The following POU2F3 variants were observed in gnomAD, a reference collection of about 807,000 sequenced individuals.
POU2F3 encodes the protein POU class 2 homeobox 3, also known as POU domain, class 2, transcription factor 3.
Under a neutral mutation model 59.2 loss-of-function variants are expected in POU2F3, and 23 were observed. That is an observed-to-expected ratio of 0.39 (90% confidence interval 0.28 to 0.55). The LOEUF (loss-of-function observed/expected upper bound fraction) is 0.55, where lower values mean the gene tolerates loss of function less well. Ranked by LOEUF, POU2F3 falls within the 20% of genes least tolerant of loss-of-function variation. The probability of loss-of-function intolerance (pLI) is 0.66; values close to 1 mark genes in which losing one functional copy is unlikely to be tolerated. For synonymous variants in POU2F3, 190 were observed against 214.6 expected, an observed-to-expected ratio of 0.89 and a Z score of 1.00; for missense variants, 473 against 544.5, an observed-to-expected ratio of 0.87 and a Z score of 1.31.
intron 3 of POU2F3, among the ~76,000 whole-genome samples, chr11:120,286,035 A>G (rs1360810483): frequency 6.6e-6 from 1 of 151,092 alleles, no homozygotes; most frequent in Non-Finnish European, 1.5e-5. Flanking sequence ...GGCGCCCACC[A>G]CCATGCCCAG....
chr11:120,238,047 C>T (rs922979342), upstream of POU2F3, among the ~76,000 whole-genome samples: 2 of 152,076 alleles, frequency 1.3e-5, no homozygotes, highest in Admixed American at 6.5e-5. Flanking sequence ...TTGAGACCAG[C>T]CTGACCAACA....
At chr11:120,246,815 C>A (rs1295057755) in intron 2 of POU2F3, among the ~76,000 whole-genome samples, 2 of 152,248 alleles carry the variant, frequency 1.3e-5, no homozygotes, top group African/African-American at 4.8e-5. Context: ...ACTGCTGTGA[C>A]TGGCAGAGGC....
chr11:120,236,781 G>T (rs114464433), upstream of POU2F3: 418 of 1,363,392 alleles, frequency 3.1e-4, no homozygotes, highest in African/African-American at 5.6e-3. Context: ...GAGAGAGAAG[G>T]AATAAAGATT....
At chr11:120,236,758 A>G (rs1338415090), upstream of POU2F3, 3 of 1,410,044 alleles carry the variant, frequency 2.1e-6, no homozygotes, top group Admixed American at 3.9e-5. Flanking sequence ...TGAAATGATC[A>G]GTGAGCAAGT....
chr11:120,236,814 T>C (rs534090161), upstream of POU2F3: 319 of 1,152,532 alleles, frequency 2.8e-4, 3 homozygotes, highest in South Asian at 2.9e-3. Context: ...CCCTCAACCC[T>C]ATACACAGGT....
intron 1 of POU2F3, among the ~76,000 whole-genome samples, chr11:120,243,186 G>T (rs1288279502): frequency 6.6e-6 from 1 of 152,136 alleles, no homozygotes; most frequent in Admixed American, 6.5e-5. Context: ...GGGGCCGGTG[G>T]GTCCTTTGAA....
intron 6 of POU2F3, chr11:120,304,185 G>A (rs890565361): frequency 2.6e-5 from 4 of 152,080 alleles, no homozygotes; most frequent in African/African-American, 4.8e-5. Flanking sequence ...ACAAAAGTTA[G>A]CCAGGTGTGG....
intron 3 of POU2F3, among the ~76,000 whole-genome samples, chr11:120,289,684 C>T (rs1940952928): frequency 6.6e-6 from 1 of 152,204 alleles, no homozygotes; most frequent in Admixed American, 6.5e-5. Context: ...CTTCCACTTC[C>T]GCTTCCTGGG....
Position 120,309,530 on chromosome 11 carries a change from C to T in POU2F3, c.1012C>T (p.Arg338Ter), listed in dbSNP as rs202225394. The T allele has an allele frequency of 1.9e-6, 3 of 1,614,088 alleles. No individual in the cohort carries two copies. Among genetic ancestry groups the T allele is most frequent in the East Asian group, 2.2e-5 (1 of 44,870 alleles). ...CTGCAACCGACGCCAAAAGGAGAAGCGAATCAACTGCCCTGTGGCCACACC... is the reference window on the plus strand; with the variant it reads ...CTGCAACCGACGCCAAAAGGAGAAGTGAATCAACTGCCCTGTGGCCACACC... Reference protein sequence around the residue: ...WFCNRRQKEKRINCPVATPIK... With the variant: ...WFCNRRQKEK The change falls in exon 10 of 13, where the codon CGA becomes TGA. Residue 338 changes from arginine to a stop codon, truncating the protein, a stop_gained. Coordinates refer to ENST00000543440, the MANE Select transcript of POU2F3 (RefSeq NM_014352.4). LOFTEE classifies it high-confidence loss of function.
intron 3 of POU2F3, among the ~76,000 whole-genome samples, chr11:120,289,033 AT>A (rs1940928952): frequency 6.6e-6 from 1 of 152,166 alleles, no homozygotes; most frequent in African/African-American, 2.4e-5. Flanking sequence ...TTTCATCTTA[AT>A]CTTCTCTAAT....
At chr11:120,275,826 G>A (rs1347321821) in intron 3 of POU2F3, among the ~76,000 whole-genome samples, 1 of 152,210 alleles carries the variant, frequency 6.6e-6, no homozygotes, top group Admixed American at 6.5e-5. Flanking sequence ...GTCCTGAGGA[G>A]TTGCCCTGGT....
At chr11:120,281,910 A>G (rs1415026577) in intron 3 of POU2F3, among the ~76,000 whole-genome samples, 2 of 101,484 alleles carry the variant, frequency 2.0e-5, no homozygotes, top group East Asian at 0.042. Context: ...GGAGGATTCA[A>G]TGAATCTTGA....
chr11:120,310,662 G>T (rs745499964), intron 10 of POU2F3, among the ~76,000 whole-genome samples: 8 of 152,172 alleles, frequency 5.3e-5, no homozygotes, highest in Non-Finnish European at 1.0e-4. Flanking sequence ...TGGGGAGAAT[G>T]ATGTTGCCCT....
At chr11:120,243,356 G>A (rs1476821110) in intron 1 of POU2F3, among the ~76,000 whole-genome samples, 3 of 152,140 alleles carry the variant, frequency 2.0e-5, no homozygotes, top group African/African-American at 4.8e-5. Context: ...CCCTCAGCCT[G>A]CAGCCTGTGG....
chr11:120,282,584 A>G lies in POU2F3; in HGVS notation c.132+13340A>G, dbSNP rs142378185. On this transcript the variant is annotated intron_variant, in intron 3 of 12. Transcript: ENST00000543440. ...GGCACAAGAATCACTTGAACCTGAG[A>G]GGCAGAGCTTGCAGTGAGTCAAGAT... Among the ~76,000 whole-genome samples the G allele has an allele frequency of 7.2e-3, 1,095 of 152,310 alleles. 13 individuals carry two copies. Among genetic ancestry groups the G allele is most frequent in the African/African-American group, 0.025 (1,020 of 41,558 alleles).
Position 120,283,751 on chromosome 11 carries a change from C to T in POU2F3, c.132+14507C>T, listed in dbSNP as rs141955112. Among the ~76,000 whole-genome samples, 1,166 of 147,910 alleles carry T rather than the reference C, an allele frequency of 7.9e-3. 12 individuals are homozygous for T. The highest frequency in any genetic ancestry group is 0.012 in the Non-Finnish European group (834 of 67,626). ...CAACTTACCCCCTCCACTACCTCCA[C>T]CTGTGTGCCTTAATAGGCTTCGTGT... On this transcript the variant is annotated intron_variant, in intron 3 of 12. Coordinates refer to ENST00000543440, the MANE Select transcript of POU2F3 (RefSeq NM_014352.4).
upstream of POU2F3, chr11:120,236,699 G>A (rs1370983198): frequency 6.7e-6 from 10 of 1,502,336 alleles, no homozygotes; most frequent in Admixed American, 5.9e-5. Context: ...ACTGCTAAAG[G>A]AGGAAGGGGT....
chr11:120,317,057 G>A (rs1294104806), intron 11 of POU2F3, 172 bp from the exon 12 acceptor site: 2 of 705,658 alleles, frequency 2.8e-6, no homozygotes, highest in African/African-American at 3.5e-5. Flanking sequence ...CTCTGGGTGT[G>A]GGCAGAAGTT....
At chr11:120,239,408 C>T (rs982925907), upstream of POU2F3, among the ~76,000 whole-genome samples, 2 of 152,136 alleles carry the variant, frequency 1.3e-5, no homozygotes, top group African/African-American at 2.4e-5. Context: ...TTGAGCAAGC[C>T]GCTTCCCCGC....
Sources: gnomAD v4.1 joint callset for allele counts (sites outside exome capture counted in the v4.1 genomes callset) on GRCh38, gnomAD v4.1.1 for gene constraint, MANE v1.5 for transcripts, NCBI Gene and HGNC (gene_info 2026-07-23, HGNC 2026-07-21) for gene names.